The following TRPV2 variants were observed in gnomAD, a reference collection of about 807,000 sequenced individuals.
The protein encoded by TRPV2 is transient receptor potential cation channel subfamily V member 2.
In TRPV2, 58 loss-of-function variants were observed where a neutral mutation model predicts 91.0. The ratio of observed to expected loss-of-function variants is 0.64; its 90% confidence interval spans 0.52 to 0.79. TRPV2 has a LOEUF of 0.79. TRPV2 is among the 30% of genes least tolerant of loss of function. The probability of loss-of-function intolerance (pLI) is 0.00; values close to 1 mark genes in which losing one functional copy is unlikely to be tolerated. For synonymous variants in TRPV2, 417 were observed against 414.8 expected (o/e 1.01, Z -0.06); for missense variants, 807 against 969.6 (o/e 0.83, Z 2.23).
intron 7 of TRPV2, among the ~76,000 whole-genome samples, 179 bp from the exon 8 acceptor site, chr17:16,427,270 A>C (rs554007575): frequency 1.3e-5 from 2 of 152,078 alleles, no homozygotes; most frequent in Non-Finnish European, 2.9e-5. Flanking sequence ...CTACACTGAA[A>C]TGCTACACAA....
chr17:16,419,900 G>T (rs575750247), intron 2 of TRPV2, among the ~76,000 whole-genome samples: 1 of 152,356 alleles, frequency 6.6e-6, no homozygotes, highest in African/African-American at 2.4e-5. Flanking sequence ...GGATGAAGCA[G>T]CTTAGTGCCT....
chr17:16,421,498 C>T (rs916303838), intron 3 of TRPV2, among the ~76,000 whole-genome samples: 2 of 149,392 alleles, frequency 1.3e-5, no homozygotes, highest in African/African-American at 2.5e-5. Context: ...GGATTACAGG[C>T]GTGAGCCACC....
At chr17:16,431,466 T>A (rs753478026) in intron 10 of TRPV2, among the ~76,000 whole-genome samples, 8 of 150,898 alleles carry the variant, frequency 5.3e-5, no homozygotes, top group African/African-American at 9.8e-5. Flanking sequence ...CCTGGCTAAT[T>A]TTTTGTATTT....
At chr17:16,423,903 A>G in intron 5 of TRPV2, 136 bp downstream of exon 5, 1 of 799,960 alleles carries the variant, frequency 1.3e-6, no homozygotes. Context: ...CCTGTTAGTA[A>G]GAAAATTTTC....
intron 12 of TRPV2, chr17:16,433,362 T>A: frequency 1.7e-6 from 1 of 586,344 alleles, no homozygotes; most frequent in African/African-American, 1.9e-5. Flanking sequence ...GTCCTCAGTC[T>A]ACAAATGGGG....
At chr17:16,418,438 C>T (rs1237721930) in intron 2 of TRPV2, among the ~76,000 whole-genome samples, 1 of 152,168 alleles carries the variant, frequency 6.6e-6, no homozygotes, top group Non-Finnish European at 1.5e-5. Context: ...CTGCATTTGG[C>T]ACCCCCTACT....
At chr17:16,419,586 G>C (rs2093346860) in intron 2 of TRPV2, among the ~76,000 whole-genome samples, 2 of 152,206 alleles carry the variant, frequency 1.3e-5, no homozygotes, top group Non-Finnish European at 2.9e-5. Flanking sequence ...TTTCTGACCA[G>C]CAGGGCTGAA....
chr17:16,433,424 G>A, intron 12 of TRPV2, 150 bp from the exon 13 acceptor site: 2 of 1,165,878 alleles, frequency 1.7e-6, no homozygotes, highest in Non-Finnish European at 2.4e-6. Flanking sequence ...GTAACCGGAT[G>A]TTGGAGCCAG....
chr17:16,431,291 A>ATATACATTTT (rs1333090555), intron 10 of TRPV2, among the ~76,000 whole-genome samples: 8 of 67,392 alleles, frequency 1.2e-4, no homozygotes, highest in African/African-American at 4.5e-4. Context: ...ATATATACAT[A>ATATACATTTT]TTTTTTTTTT....
chr17:16,425,991 G>A (rs750635420), intron 5 of TRPV2, 108 bp from the exon 6 acceptor site: 2 of 1,268,540 alleles, frequency 1.6e-6, no homozygotes, highest in Non-Finnish European at 2.2e-6. Context: ...GTCAGCTGCA[G>A]CTCTGCAGAC....
chr17:16,425,186 G>A (rs567764303), intron 5 of TRPV2, among the ~76,000 whole-genome samples: 23 of 151,914 alleles, frequency 1.5e-4, no homozygotes, highest in Admixed American at 3.3e-4. Context: ...CACCACGCCC[G>A]GCTAATTTTG....
At chr17:16,429,128 TACAGGCCTGC>T in intron 10 of TRPV2, 146 bp downstream of exon 10, 2 of 901,258 alleles carry the variant, frequency 2.2e-6, no homozygotes, top group South Asian at 3.4e-5. Flanking sequence ...GAAGCTTAAG[TACAGGCCTGC>T]ACATACCTCT....
chr17:16,433,437 T>G, intron 12 of TRPV2, 137 bp from the exon 13 acceptor site: 1 of 1,286,428 alleles, frequency 7.8e-7, no homozygotes, highest in Non-Finnish European at 1.1e-6. Context: ...GGAGCCAGAT[T>G]CGAATCCGCG....
chr17:16,419,912 G>A (rs534842571), intron 2 of TRPV2, among the ~76,000 whole-genome samples: 24 of 152,368 alleles, frequency 1.6e-4, no homozygotes, highest in Non-Finnish European at 3.1e-4. Context: ...TTAGTGCCTG[G>A]ACAGGCCCCT....
At chr17:16,431,285 ATACATATTTT>A (rs1447978714) in intron 10 of TRPV2, among the ~76,000 whole-genome samples, 260 of 43,698 alleles carry the variant, frequency 5.9e-3, no homozygotes, top group African/African-American at 0.019. Flanking sequence ...ATATATATAT[ATACATATTTT>A]TTTTTTTTTT....
At chr17:16,431,279 A>G (rs1250694958) in intron 10 of TRPV2, among the ~76,000 whole-genome samples, 1 of 74,990 alleles carries the variant, frequency 1.3e-5, no homozygotes, top group African/African-American at 5.7e-5. Flanking sequence ...ATATATATAT[A>G]TATATATACA....
Position 16,426,784 on chromosome 17 carries a change from G to A in TRPV2, c.1158G>A (p.Leu386=), listed in dbSNP as rs751390433. 5 of 1,614,050 alleles carry A rather than the reference G, an allele frequency of 3.1e-6. No homozygotes were observed. The highest frequency in any genetic ancestry group is 4.2e-6 in the Non-Finnish European group (5 of 1,180,016). The change falls in exon 7 of 15, where the codon CTG becomes CTA. Residue 386 remains leucine (L), a synonymous_variant. Transcript: ENST00000338560. The surrounding 1 kb of genome is among the most constrained non-coding windows in gnomAD (Gnocchi z 6.0). The stretch of plus-strand genomic sequence containing the variant: ...AACTGCTGCAGGCGAAATGGGATCT[G>A]CTCATCCCCAAGTTCTTCTTAAACT... ...LNKLLQAKWD[L]LIPKFFLNFL... is the part of the protein sequence containing the mutation.
At position 16,426,934 on chromosome 17, in the gene TRPV2, C is replaced by A; in HGVS notation, c.1251+57C>A. On this transcript the variant is annotated intron_variant, in intron 7 of 14. Coordinates refer to ENST00000338560, the MANE Select transcript of TRPV2 (RefSeq NM_016113.5). The surrounding 1 kb of genome is among the most constrained non-coding windows in gnomAD (Gnocchi z 6.0). ...TGGGGGAGGCCTGCTTGAAACAACCCTGGGGGAAGATGGGGCAGTAATAGT... is the reference window on the plus strand; with the variant it reads ...TGGGGGAGGCCTGCTTGAAACAACCATGGGGGAAGATGGGGCAGTAATAGT... 6.4e-7 allele frequency: 1 copy of A among 1,574,478 alleles called. No homozygotes were observed. Among genetic ancestry groups the A allele is most frequent in the Non-Finnish European group, 8.6e-7 (1 of 1,161,756 alleles).
In TRPV2 at chr17:16,424,849, G is replaced by T. The variant is rs577935964; in HGVS notation, c.924+1082G>T. ...AAGTGTGACTATCTTTTCCTTTAAG[G>T]TTCCATGGTTTTGCTATTGTCTAAT... On this transcript the variant is annotated intron_variant, in intron 5 of 14. Coordinates refer to ENST00000338560, the MANE Select transcript of TRPV2 (RefSeq NM_016113.5). 8.0e-5 allele frequency among the ~76,000 whole-genome samples: 12 copies of T among 149,748 alleles called. No individual in the cohort carries two copies. The South Asian group carries it at 2.3e-3, about 29-fold the overall frequency.
Sources: allele counts gnomAD v4.1 joint callset (sites outside exome capture counted in the v4.1 genomes callset), GRCh38; gene constraint gnomAD v4.1.1; non-coding constraint Gnocchi (gnomAD v3.1); transcripts MANE v1.5; gene names NCBI Gene and HGNC (gene_info 2026-07-23, HGNC 2026-07-21).